Variants in AGMO observed in about 807,000 individuals in gnomAD.
AGMO encodes the protein glyceryl-ether monooxygenase.
AGMO carries 75 observed loss-of-function variants against 60.2 expected under a neutral mutation model. The ratio of observed to expected loss-of-function variants is 1.25; its 90% confidence interval spans 1.03 to 1.51. The LOEUF (loss-of-function observed/expected upper bound fraction) is 1.51, where lower values mean the gene tolerates loss of function less well. Ranked by LOEUF, AGMO falls within the 40% of genes most tolerant of loss-of-function variation. AGMO has a pLI of 0.00. For missense variants in AGMO, 763 were observed against 525.5 expected (o/e 1.45, Z -4.42); for synonymous variants, 261 against 177.1 (o/e 1.47, Z -3.76).
At chr7:15,402,851 G>A (rs544352237) in intron 5 of AGMO, among the ~76,000 whole-genome samples, 2 of 151,636 alleles carry the variant, frequency 1.3e-5, no homozygotes, top group South Asian at 4.2e-4. Flanking sequence ...AGAGCAAGAT[G>A]TCTCTTGTCA....
At chr7:15,247,459 C>CACACACAGAGAGAGAG (rs139642069) in intron 12 of AGMO, among the ~76,000 whole-genome samples, 38 of 115,256 alleles carry the variant, frequency 3.3e-4, no homozygotes, top group African/African-American at 1.3e-3. Flanking sequence ...CACACACACA[C>CACACACAGAGAGAGAG]AGAGAGAGAG....
At chr7:15,383,564 GATT>G (rs764128499) in intron 10 of AGMO, among the ~76,000 whole-genome samples, 3 of 151,884 alleles carry the variant, frequency 2.0e-5, no homozygotes, top group African/African-American at 2.4e-5. Flanking sequence ...TTCATACTTA[GATT>G]ATTACACTGG....
intron 3 of AGMO, among the ~76,000 whole-genome samples, chr7:15,507,335 C>T (rs1783540909): frequency 6.6e-6 from 1 of 151,944 alleles, no homozygotes; most frequent in East Asian, 1.9e-4. Flanking sequence ...AACAGTATGA[C>T]CCCCCTGAGG....
chr7:15,295,876 T>G (rs887933951), intron 12 of AGMO, among the ~76,000 whole-genome samples: 2 of 152,144 alleles, frequency 1.3e-5, no homozygotes, highest in African/African-American at 4.8e-5. Flanking sequence ...GAAGACTGAA[T>G]GTCCACCAAT....
chr7:15,280,612 C>T (rs984096757), intron 12 of AGMO, among the ~76,000 whole-genome samples: 3 of 152,222 alleles, frequency 2.0e-5, no homozygotes, highest in African/African-American at 7.2e-5. Context: ...AAGGCAAGCA[C>T]ACATCCCATT....
the AGMO span, among the ~76,000 whole-genome samples, chr7:15,169,257 T>C: frequency 2.0e-5 from 3 of 152,192 alleles, no homozygotes; most frequent in East Asian, 5.8e-4. Flanking sequence ...TCATAACTAC[T>C]GAACTCTGCC....
chr7:15,454,382 C>T (rs1469036750), intron 3 of AGMO, among the ~76,000 whole-genome samples: 2 of 55,512 alleles, frequency 3.6e-5, no homozygotes, highest in African/African-American at 1.9e-4. Context: ...CACACACAAA[C>T]ACACAAACAC....
At chr7:15,391,275 A>G (rs1784125184) in intron 6 of AGMO, among the ~76,000 whole-genome samples, 1 of 152,124 alleles carries the variant, frequency 6.6e-6, no homozygotes, top group Non-Finnish European at 1.5e-5. Flanking sequence ...CGATGTATAT[A>G]AATGTTTTTA....
At chr7:15,373,071 C>T (rs1365333675) in intron 10 of AGMO, among the ~76,000 whole-genome samples, 2 of 152,140 alleles carry the variant, frequency 1.3e-5, no homozygotes, top group African/African-American at 4.8e-5. Context: ...CGAGACCAGC[C>T]TGGCCAACAT....
intron 12 of AGMO, among the ~76,000 whole-genome samples, chr7:15,218,400 G>A (rs1431521652): frequency 1.3e-5 from 2 of 149,870 alleles, no homozygotes; most frequent in Non-Finnish European, 3.0e-5. Flanking sequence ...TGGGCCATAT[G>A]TTTTAGTTCT....
At chr7:15,367,530 T>C (rs1783035158) in intron 10 of AGMO, among the ~76,000 whole-genome samples, 1 of 151,948 alleles carries the variant, frequency 6.6e-6, no homozygotes, top group South Asian at 2.1e-4. Context: ...AGAAAGTAAA[T>C]AACGCCTCTG....
chr7:15,458,856 T>C (rs1328934552), intron 3 of AGMO, among the ~76,000 whole-genome samples: 1 of 152,226 alleles, frequency 6.6e-6, no homozygotes, highest in Non-Finnish European at 1.5e-5. Flanking sequence ...CACTCCCCTC[T>C]ACCACCATTG....
chr7:15,369,386 C>T (rs1159743326), intron 10 of AGMO, among the ~76,000 whole-genome samples: 1 of 152,090 alleles, frequency 6.6e-6, no homozygotes, highest in Non-Finnish European at 1.5e-5. Flanking sequence ...CCCAAATACG[C>T]CATACCCCAC....
chr7:15,493,362 C>CACACATAT (rs71004386), intron 3 of AGMO, among the ~76,000 whole-genome samples: 5 of 102,264 alleles, frequency 4.9e-5, no homozygotes, highest in African/African-American at 8.0e-5. Context: ...CACACACACA[C>CACACATAT]TTCTTTTTTT....
chr7:15,422,890 A>T (rs976588587), intron 4 of AGMO, among the ~76,000 whole-genome samples: 1 of 152,158 alleles, frequency 6.6e-6, no homozygotes, highest in African/African-American at 2.4e-5. Flanking sequence ...GAGGATGCAG[A>T]CTGTGCTTCA....
chr7:15,132,700 G>C, the AGMO span, among the ~76,000 whole-genome samples: 1 of 152,178 alleles, frequency 6.6e-6, no homozygotes, highest in African/African-American at 2.4e-5. Context: ...ACTGGGGTGA[G>C]CTGAAAATAG....
At chr7:15,192,178 C>CTAATGAGACTCTAAATGAGACTCTAAA in the AGMO span, among the ~76,000 whole-genome samples, 1 of 152,154 alleles carries the variant, frequency 6.6e-6, no homozygotes, top group South Asian at 2.1e-4. Flanking sequence ...ACCTTCGAGC[C>CTAATGAGACTCTAAATGAGACTCTAAA]TGGAAACCGT....
intron 3 of AGMO, among the ~76,000 whole-genome samples, chr7:15,472,102 C>A (rs1782463487): frequency 6.6e-6 from 1 of 151,856 alleles, no homozygotes; most frequent in Admixed American, 6.6e-5. Context: ...ATTCTATCAT[C>A]TCATGGTAGA....
chr7:15,195,316 A>G, the AGMO span, among the ~76,000 whole-genome samples: 1 of 152,124 alleles, frequency 6.6e-6, no homozygotes, highest in Admixed American at 6.5e-5. Flanking sequence ...AGAAAAGAGA[A>G]TAGCTTTTTT....
Sources: gnomAD v4.1 joint callset for allele counts (sites outside exome capture counted in the v4.1 genomes callset) on GRCh38, gnomAD v4.1.1 for gene constraint, MANE v1.5 for transcripts, NCBI Gene and HGNC (gene_info 2026-07-23, HGNC 2026-07-21) for gene names.